SEMA4F: variants seen among roughly 807,000 people sequenced by gnomAD.
SEMA4F encodes ssemaphorin 4F.
SEMA4F carries 51 observed loss-of-function variants against 78.4 expected under a neutral mutation model. That is an observed-to-expected ratio of 0.65 (90% CI 0.52 to 0.82). SEMA4F has a LOEUF of 0.82. Ranked by LOEUF, SEMA4F falls within the 40% of genes least tolerant of loss-of-function variation. The pLI, the probability that SEMA4F is intolerant of heterozygous loss-of-function variation, is 0.00. For missense variants in SEMA4F, 938 were observed against 1,014.4 expected, an observed-to-expected ratio of 0.92 and a Z score of 1.02; for synonymous variants, 418 against 408.7, an observed-to-expected ratio of 1.02 and a Z score of -0.27.
intron 3 of SEMA4F, 89 bp downstream of exon 3, chr2:74,657,713 A>G (rs927253430): frequency 9.7e-6 from 14 of 1,440,492 alleles, no homozygotes; most frequent in South Asian, 5.7e-5. Flanking sequence ...TTCCATACCA[A>G]TGGGCCCAGG....
chr2:74,657,895 G>T lies in SEMA4F; in HGVS notation c.400G>T (p.Ala134Ser). The change falls in exon 4 of 14, where the codon GCC becomes TCC. Residue 134 changes from alanine (A) to serine (S), a missense_variant. Coordinates refer to ENST00000357877, the MANE Select transcript of SEMA4F (RefSeq NM_004263.5). ...NFVQILAIAN[A>S]SHLLTCGTFA... ...TGTCCAGATTCTCGCCATTGCCAAT[G>T]CCTCTCACCTCCTCACTTGTGGCAC... The T allele has an allele frequency of 6.2e-7, 1 of 1,614,228 alleles. No homozygotes were observed. The highest frequency in any genetic ancestry group is 1.1e-5 in the South Asian group (1 of 91,080).
chr2:74,704,401 G>A, the SEMA4F span, among the ~76,000 whole-genome samples: 4 of 150,472 alleles, frequency 2.7e-5, no homozygotes, highest in Admixed American at 2.0e-4. Flanking sequence ...TTGAAAAAAG[G>A]CTGGAGTTCT....
Position 74,662,730 on chromosome 2 carries a change from A to G in SEMA4F, c.457-2A>G. 1.9e-6 allele frequency: 3 copies of G among 1,613,594 alleles called. No homozygotes were observed. The highest frequency in any genetic ancestry group is 2.5e-6 in the Non-Finnish European group (3 of 1,179,516). On this transcript the variant is annotated splice_acceptor_variant, in intron 4 of 13. Transcript: ENST00000357877. LOFTEE classifies it high-confidence loss of function. ...AACCAATTGCCCCCTTCTGGTCTATAGGATGTGTCCAGGTTCCAGCAGGTT... is the reference window on the plus strand; with the variant it reads ...AACCAATTGCCCCCTTCTGGTCTATGGGATGTGTCCAGGTTCCAGCAGGTT...
intron 1 of SEMA4F, among the ~76,000 whole-genome samples, chr2:74,656,087 C>A (rs892401285): frequency 4.6e-5 from 7 of 151,758 alleles, no homozygotes; most frequent in African/African-American, 1.5e-4. Flanking sequence ...TGGCTCACTG[C>A]AACCTCTGCC....
intron 3 of SEMA4F, 66 bp from the exon 4 acceptor site, chr2:74,657,787 T>C (rs755783824): frequency 7.4e-6 from 11 of 1,490,182 alleles, no homozygotes; most frequent in Non-Finnish European, 9.4e-6. Flanking sequence ...CTAACTGTCC[T>C]GACGTTACCT....
the SEMA4F span, among the ~76,000 whole-genome samples, chr2:74,696,241 G>A: frequency 7.0e-6 from 1 of 142,466 alleles, no homozygotes; most frequent in African/African-American, 2.7e-5. Context: ...TTTCGCCCAG[G>A]CTGGAGTGCA....
At position 74,660,803 on chromosome 2, in the gene SEMA4F, G is replaced by A. The variant is rs114434297; in HGVS notation, c.457-1929G>A. On this transcript the variant is annotated intron_variant, in intron 4 of 13. Transcript: ENST00000357877. ...CTAGTTTCAACATATTGAGTTTTAAGGGGCAGATAGGAAATCTCTGTGAGG... is the reference window on the plus strand; with the variant it reads ...CTAGTTTCAACATATTGAGTTTTAAAGGGCAGATAGGAAATCTCTGTGAGG... 8.1e-3 allele frequency among the ~76,000 whole-genome samples: 1,229 copies of A among 152,334 alleles called. 24 individuals carry two copies. The highest frequency in any genetic ancestry group is 0.028 in the African/African-American group (1,146 of 41,572).
At chr2:74,685,743 CTTAGAG>C (rs1396534929), downstream of SEMA4F, among the ~76,000 whole-genome samples, 2 of 152,108 alleles carry the variant, frequency 1.3e-5, no homozygotes, top group Non-Finnish European at 2.9e-5. Context: ...CTATAGCTGT[CTTAGAG>C]TTAGATATAG....
chr2:74,676,622 C>T (rs576400870), intron 12 of SEMA4F, among the ~76,000 whole-genome samples: 2 of 152,168 alleles, frequency 1.3e-5, no homozygotes, highest in Non-Finnish European at 1.5e-5. Flanking sequence ...TTGCCCACAT[C>T]GTATTATGAT....
chr2:74,695,232 G>A, the SEMA4F span, among the ~76,000 whole-genome samples: 5,218 of 152,178 alleles, frequency 0.034, 267 homozygotes, highest in African/African-American at 0.11. Flanking sequence ...GTTGCCTCCC[G>A]TGTAGCTGGG....
In SEMA4F at chr2:74,681,177, A is replaced by G. The variant is rs1685593407; in HGVS notation, c.*968A>G. ...AGGGAACAACAGAAGGGGAACAGTC[A>G]TAGGATATACGAGCAGTATAAAGAT... On this transcript the variant is annotated 3_prime_UTR_variant, in exon 14 of 14. Transcript: ENST00000357877. 2 of 152,670 alleles carry G rather than the reference A, an allele frequency of 1.3e-5. No homozygotes were observed. The highest frequency in any genetic ancestry group is 2.1e-4 in the South Asian group (1 of 4,826). 9.5% of individuals were successfully genotyped at this position (152,670 alleles called of 1,614,324 possible).
chr2:74,704,235 A>C, the SEMA4F span, among the ~76,000 whole-genome samples: 1 of 151,394 alleles, frequency 6.6e-6, no homozygotes, highest in Admixed American at 6.6e-5. Context: ...GAGGGGCAGC[A>C]TTATTGATCT....
Position 74,666,426 on chromosome 2 carries a change from A to G in SEMA4F, c.550+3601A>G, listed in dbSNP as rs1199361558. Among the ~76,000 whole-genome samples the G allele has an allele frequency of 2.0e-5, 3 of 150,416 alleles. 1 individual carries two copies. The highest frequency in any genetic ancestry group is 1.5e-5 in the Non-Finnish European group (1 of 67,640). On this transcript the variant is annotated intron_variant, in intron 5 of 13. Coordinates refer to ENST00000357877, the MANE Select transcript of SEMA4F (RefSeq NM_004263.5). ...AGGTTTTAAGTCTTTTTTTTTTTTT[A>G]AATAAAATTCAGGGTTGCCTTTCAG...
the SEMA4F span, among the ~76,000 whole-genome samples, chr2:74,706,113 T>A: frequency 2.0e-5 from 3 of 152,202 alleles, no homozygotes; most frequent in African/African-American, 7.2e-5. Flanking sequence ...ACAACATTTA[T>A]TGAATTTTTT....
At position 74,654,356 on chromosome 2, in the gene SEMA4F, C is replaced by G. The variant is rs1166609236; in HGVS notation, c.-21C>G. On this transcript the variant is annotated 5_prime_UTR_variant, in exon 1 of 14. Coordinates refer to ENST00000357877, the MANE Select transcript of SEMA4F (RefSeq NM_004263.5). ...CAGAGGCCGTAGCTTGCGCCGCACC[C>G]GCGGCCAGGCGGAGCCAAAGATGCC... 6.8e-7 allele frequency: 1 copy of G among 1,470,192 alleles called. No individual in the cohort carries two copies. The highest frequency in any genetic ancestry group is 2.8e-5 in the East Asian group (1 of 35,518). The allele number at this position is 1,470,192 out of a possible 1,614,324, so 91.1% of individuals were successfully genotyped here.
chr2:74,690,418 C>T, the SEMA4F span, among the ~76,000 whole-genome samples: 329 of 150,646 alleles, frequency 2.2e-3, 1 homozygote, highest in Middle Eastern at 0.01. Context: ...AGGAGGAGGA[C>T]GATGAAGAGG....
intron 4 of SEMA4F, among the ~76,000 whole-genome samples, chr2:74,660,889 T>G (rs1273727139): frequency 6.6e-6 from 1 of 152,100 alleles, no homozygotes; most frequent in Non-Finnish European, 1.5e-5. Flanking sequence ...TTTGGAGAGT[T>G]TGGGGAATGA....
chr2:74,654,303 C>A lies in SEMA4F; in HGVS notation c.-74C>A. 7.3e-7 allele frequency: 1 copy of A among 1,368,644 alleles called. No individual in the cohort carries two copies. The highest frequency in any genetic ancestry group is 3.1e-5 in the East Asian group (1 of 32,452). 84.8% of individuals were successfully genotyped at this position (1,368,644 alleles called of 1,614,324 possible). A position where few individuals can be genotyped will look rare whatever the true frequency, so the allele number is the denominator to read the frequency against. ...CCGAGCCGAGAGGACCCGAGTGGGGCCGAGGCCAGTAGCCCCGGGGCCCTG... is the reference window on the plus strand; with the variant it reads ...CCGAGCCGAGAGGACCCGAGTGGGGACGAGGCCAGTAGCCCCGGGGCCCTG... On this transcript the variant is annotated 5_prime_UTR_variant, in exon 1 of 14. Coordinates refer to ENST00000357877, the MANE Select transcript of SEMA4F (RefSeq NM_004263.5).
intron 5 of SEMA4F, among the ~76,000 whole-genome samples, chr2:74,664,160 T>C (rs1684570512): frequency 6.6e-6 from 1 of 152,212 alleles, no homozygotes; most frequent in Non-Finnish European, 1.5e-5. Flanking sequence ...AGCCATTTTC[T>C]TGTGGTAGTG....
Sources: gnomAD v4.1 joint callset for allele counts (sites outside exome capture counted in the v4.1 genomes callset) on GRCh38, gnomAD v4.1.1 for gene constraint, MANE v1.5 for transcripts, NCBI Gene and HGNC (gene_info 2026-07-23, HGNC 2026-07-21) for gene names.